Variants in CFAP74 observed in about 807,000 individuals in gnomAD.
The protein encoded by CFAP74 is cilia and flagella associated protein 74.
CFAP74 carries 124 observed loss-of-function variants against 188.9 expected under a neutral mutation model. The observed-to-expected ratio is 0.66, with a 90% CI of 0.57 to 0.76. The LOEUF (loss-of-function observed/expected upper bound fraction) is 0.76. Among genes scored for constraint, CFAP74 ranks in the 30% least tolerant of loss-of-function variants. The pLI is 0.00. For synonymous variants in CFAP74, 956 were observed against 916.7 expected, an observed-to-expected ratio of 1.04 and a Z score of -0.77; for missense variants, 2,198 against 2,165.2, an observed-to-expected ratio of 1.02 and a Z score of -0.30.
At chr1:1,943,184 C>T (rs775447984) in intron 21 of CFAP74, among the ~76,000 whole-genome samples, 1 of 152,224 alleles carries the variant, frequency 6.6e-6, no homozygotes, top group Non-Finnish European at 1.5e-5. Flanking sequence ...AGACCATCCA[C>T]AGAGCTGGGC....
Position 1,941,945 on chromosome 1 carries a change from A to T in CFAP74, c.2615+83T>A, listed in dbSNP as rs1653403945. The T allele has an allele frequency of 9.8e-6, 13 of 1,331,290 alleles. 1 individual carries two copies. The African/African-American group carries it at 1.5e-4, about 15-fold the overall frequency. The allele number at this position is 1,331,290 out of a possible 1,614,324, so 82.5% of individuals were successfully genotyped here. A position where few individuals can be genotyped will look rare whatever the true frequency, so the allele number is the denominator to read the frequency against. ...ATGATCCCGGCAGCAATGAGAACAG[A>T]GGAGTGGCCAGTGGCGAGGAGCGCC... On this transcript the variant is annotated intron_variant, in intron 22 of 38. Transcript: ENST00000682832.
At chr1:1,936,559 A>G (rs1652911952) in intron 25 of CFAP74, among the ~76,000 whole-genome samples, 1 of 151,938 alleles carries the variant, frequency 6.6e-6, no homozygotes, top group Non-Finnish European at 1.5e-5. Flanking sequence ...AATAACAAAA[A>G]AAGAAAAAAA....
intron 6 of CFAP74, among the ~76,000 whole-genome samples, chr1:1,979,002 C>G (rs1043485856): frequency 1.3e-5 from 2 of 150,762 alleles, no homozygotes; most frequent in African/African-American, 4.9e-5. Context: ...CGAGGCTGCA[C>G]AGAACACGTG....
At chr1:1,932,087 CAAA>C (rs370006166) in intron 25 of CFAP74, among the ~76,000 whole-genome samples, 3 of 53,666 alleles carry the variant, frequency 5.6e-5, no homozygotes, top group Non-Finnish European at 1.7e-4. Context: ...AAACAAAAAA[CAAA>C]AAACAAAAAA....
At chr1:1,993,840 GGC>G (rs1657750543) in intron 1 of CFAP74, among the ~76,000 whole-genome samples, 1 of 150,888 alleles carries the variant, frequency 6.6e-6, no homozygotes, top group African/African-American at 2.4e-5. Flanking sequence ...AAATTAGCCG[GGC>G]GTGGTGGCGG....
chr1:1,950,455 T>C lies in CFAP74; in HGVS notation c.2177-3401A>G, dbSNP rs138317318. ...CCCAGGTTCAAGTGATTCTCCTGCC[T>C]CAGCCTCCCGAGTAGCTGGGATTAC... On this transcript the variant is annotated intron_variant, in intron 18 of 38. Transcript: ENST00000682832. Among the ~76,000 whole-genome samples the C allele has an allele frequency of 7.6e-3, 1,163 of 152,046 alleles. 20 individuals are homozygous for C. Among genetic ancestry groups the C allele is most frequent in the Middle Eastern group, 0.027 (8 of 294 alleles).
intron 18 of CFAP74, chr1:1,955,150 C>G (rs1654493815): frequency 7.8e-7 from 1 of 1,285,442 alleles, no homozygotes; most frequent in African/African-American, 1.5e-5. Context: ...ACGCGCACCA[C>G]GCGAAGACAG....
At chr1:1,927,056 C>T (rs1236637386) in intron 28 of CFAP74, 28 bp from the exon 29 acceptor site, 6 of 1,549,760 alleles carry the variant, frequency 3.9e-6, no homozygotes, top group Non-Finnish European at 5.2e-6. Context: ...GCTTGCGCTC[C>T]CGCCTTGCCC....
chr1:1,972,978 G>T lies in CFAP74; in HGVS notation c.744C>A (p.Asn248Lys), dbSNP rs1165230476. ...HQKLLEDARK[N>K]HKVAVRFLKA... ...TCAGGAACCGCACGGCAACCTTGTGGTTCTTCCGGGCGTCCTCCAGCAGCT... is the reference window on the plus strand; with the variant it reads ...TCAGGAACCGCACGGCAACCTTGTGTTTCTTCCGGGCGTCCTCCAGCAGCT... Residue 248 changes from asparagine to lysine, a missense_variant, in exon 8 of 39, where the codon AAC (asparagine) becomes AAA (lysine). Physicochemically the swap from Asn to Lys is moderately conservative, Grantham distance 94. Coordinates refer to ENST00000682832, the MANE Select transcript of CFAP74 (RefSeq NM_001304360.2). 2.5e-6 allele frequency: 4 copies of T among 1,613,902 alleles called. No individual in the cohort carries two copies. The African/African-American group carries it at 4.0e-5, about 16-fold the overall frequency.
At chr1:1,988,232 G>C (rs1255006233) in intron 4 of CFAP74, 5 of 627,954 alleles carry the variant, frequency 8.0e-6, no homozygotes, top group Non-Finnish European at 1.5e-5. Context: ...CACAAACACA[G>C]AAAGAAGCTA....
chr1:1,985,186 A>G (rs937798478), intron 6 of CFAP74, 200 bp downstream of exon 6: 5 of 538,866 alleles, frequency 9.3e-6, no homozygotes, highest in Admixed American at 6.0e-5. Flanking sequence ...AGGAACATAA[A>G]CAAACCCAGA....
chr1:2,002,278 G>A (rs1021886853), intron 1 of CFAP74, among the ~76,000 whole-genome samples: 2 of 151,984 alleles, frequency 1.3e-5, no homozygotes, highest in Middle Eastern at 3.4e-3. Context: ...AAGAATGTAT[G>A]TGGTATTACA....
At chr1:1,938,306 CACAT>C (rs1653078808) in intron 25 of CFAP74, among the ~76,000 whole-genome samples, 1 of 146,514 alleles carries the variant, frequency 6.8e-6, no homozygotes, top group Non-Finnish European at 1.5e-5. Context: ...CTTACACACC[CACAT>C]ACATGCACTC....
Position 1,927,623 on chromosome 1 carries a change from G to T in CFAP74, c.3511C>A (p.Arg1171=), listed in dbSNP as rs777369085. 1.3e-6 allele frequency: 2 copies of T among 1,549,794 alleles called. No individual in the cohort carries two copies. The highest frequency in any genetic ancestry group is 1.7e-6 in the Non-Finnish European group (2 of 1,146,760). ...SVPHVLEMRK[R]ELRPSSDEYQ... is the part of the protein sequence containing the mutation. Reference sequence around the variant, plus strand: ...TGGACCCACCTGGGCCTCAGCTCCCGCTTCCGCATCTCCAGGACGTGGGGG... The same window carrying T: ...TGGACCCACCTGGGCCTCAGCTCCCTCTTCCGCATCTCCAGGACGTGGGGG... Residue 1171 remains arginine (R), a synonymous_variant, in exon 28 of 39, where the codon CGG becomes AGG. Transcript: ENST00000682832.
chr1:1,965,019 T>G lies in CFAP74; in HGVS notation c.1444A>C (p.Lys482Gln). The change falls in exon 13 of 39, where the codon AAG becomes CAG. Residue 482 changes from lysine (K) to glutamine (Q), a missense_variant. Transcript: ENST00000682832. ...DVDRKPVGGTKMDKDILERTV... is the reference protein window; with the variant it reads ...DVDRKPVGGTQMDKDILERTV... ...CGCTCCAGGATGTCCTTGTCCATCT[T>G]TGTCCCGCCCACGGGCTTTCGGTCC... 1 of 1,613,820 alleles carries G rather than the reference T, an allele frequency of 6.2e-7. No homozygotes were observed. Among genetic ancestry groups the G allele is most frequent in the Admixed American group, 1.7e-5 (1 of 59,980 alleles).
intron 1 of CFAP74, among the ~76,000 whole-genome samples, chr1:1,995,187 C>A (rs1311258494): frequency 6.6e-6 from 1 of 152,158 alleles, no homozygotes; most frequent in Non-Finnish European, 1.5e-5. Context: ...TAGGACTGTA[C>A]TTTAATTCTC....
In CFAP74 at chr1:1,990,931, G is replaced by A; in HGVS notation, c.26C>T (p.Pro9Leu). The change falls in exon 2 of 39, where the codon CCT (proline) becomes CTT (leucine). Residue 9 changes from proline (P) to leucine (L), a missense_variant. Transcript: ENST00000682832. ...GGCATCGGCCAAAAGCTCGTCCTCA[G>A]GGAGCAGGCTGCCGTCATCCTCCAT... MEDDGSLL[P>L]EDELLADALL... is the part of the protein sequence containing the mutation. 6.2e-7 allele frequency: 1 copy of A among 1,613,160 alleles called. No homozygotes were observed. Among genetic ancestry groups the A allele is most frequent in the Non-Finnish European group, 8.5e-7 (1 of 1,179,754 alleles).
intron 25 of CFAP74, 51 bp downstream of exon 25, chr1:1,938,804 C>T (rs1653140041): frequency 2.6e-6 from 4 of 1,522,428 alleles, no homozygotes; most frequent in Non-Finnish European, 3.5e-6. Flanking sequence ...GGGGGCCCCT[C>T]CTGAGCGGGC....
At chr1:1,933,030 C>T (rs1481728163) in intron 25 of CFAP74, among the ~76,000 whole-genome samples, 5 of 150,256 alleles carry the variant, frequency 3.3e-5, no homozygotes, top group South Asian at 2.1e-4. Flanking sequence ...GGACTATAGG[C>T]GCCCGCCACC....
Sources: gnomAD v4.1 joint callset for allele counts (sites outside exome capture counted in the v4.1 genomes callset) on GRCh38, gnomAD v4.1.1 for gene constraint, MANE v1.5 for transcripts, NCBI Gene and HGNC (gene_info 2026-07-23, HGNC 2026-07-21) for gene names.